Variants in PARP4 observed in about 807,000 individuals in gnomAD.
PARP4 encodes protein mono-ADP-ribosyltransferase PARP4.
In PARP4, 120 loss-of-function variants were observed where a neutral mutation model predicts 187.7. The observed-to-expected ratio is 0.64, with a 90% confidence interval of 0.55 to 0.74. PARP4 has a LOEUF of 0.74. Among genes scored for constraint, PARP4 ranks in the 30% least tolerant of loss-of-function variants. PARP4 has a pLI of 0.00. For synonymous variants in PARP4, 654 were observed against 740.9 expected (o/e 0.88, Z 1.90); for missense variants, 1,836 against 2,070.5 (o/e 0.89, Z 2.20).
At chr13:24,492,007 C>T (rs1179452754) in intron 9 of PARP4, among the ~76,000 whole-genome samples, 1 of 152,122 alleles carries the variant, frequency 6.6e-6, no homozygotes, top group Non-Finnish European at 1.5e-5. Context: ...AGGCTGGGAC[C>T]CTGATAACAC....
Position 24,455,079 on chromosome 13 carries a change from G to A in PARP4, c.2696C>T (p.Ala899Val), listed in dbSNP as rs780641924. The change falls in exon 22 of 34, where the codon GCC (alanine) becomes GTC (valine). Residue 899 changes from alanine to valine, a missense_variant. Around this residue, in one of 8 missense-constraint regions of PARP4, gnomAD observed 1,147 missense variants for 1,214.2 expected, o/e 0.94. Coordinates refer to ENST00000381989, the MANE Select transcript of PARP4 (RefSeq NM_006437.4). ...ACCCACCAAGGACAGCGCATGCAAG[G>A]CGATTTGCTTGGCTTGCAAGAATGT... ...GVTFLQAKQI[A>V]LHALSLVGEK... 2 of 1,613,200 alleles carry A rather than the reference G, an allele frequency of 1.2e-6. No individual in the cohort carries two copies.
chr13:24,495,151 G>C (rs9581074), intron 6 of PARP4, among the ~76,000 whole-genome samples: 1 of 152,044 alleles, frequency 6.6e-6, no homozygotes, highest in Non-Finnish European at 1.5e-5. Flanking sequence ...GATTACAGGC[G>C]TAAGCCACCA....
chr13:24,506,620 G>C (rs1378586152), intron 1 of PARP4, among the ~76,000 whole-genome samples: 2 of 152,172 alleles, frequency 1.3e-5, no homozygotes, highest in Non-Finnish European at 2.9e-5. Flanking sequence ...CAAACCTTGA[G>C]CTAGACACAG....
Position 24,435,251 on chromosome 13 carries a change from G to A in PARP4, c.3890C>T (p.Ala1297Val). 6.2e-7 allele frequency: 1 copy of A among 1,613,864 alleles called. No individual in the cohort carries two copies. Among genetic ancestry groups the A allele is most frequent in the South Asian group, 1.1e-5 (1 of 91,064 alleles). Residue 1297 changes from alanine (A) to valine (V), a missense_variant, in exon 31 of 34, where the codon GCA (alanine) becomes GTA (valine). Around this residue, in one of 8 missense-constraint regions of PARP4, gnomAD observed 450 missense variants for 439.2 expected, o/e 1.02. Coordinates refer to ENST00000381989, the MANE Select transcript of PARP4 (RefSeq NM_006437.4). Reference sequence around the variant, plus strand: ...GACTTTCTTAAATAGTGGTTCAGTTGCTGTTGGTTTACATGACTCTGTCCA... The same window carrying A: ...GACTTTCTTAAATAGTGGTTCAGTTACTGTTGGTTTACATGACTCTGTCCA... Reference protein sequence around the residue: ...LSWTESCKPTATEPLFKKVSP... With the variant: ...LSWTESCKPTVTEPLFKKVSP...
intron 33 of PARP4, among the ~76,000 whole-genome samples, chr13:24,424,975 G>A (rs1459832079): frequency 6.6e-6 from 1 of 151,510 alleles, no homozygotes; most frequent in Non-Finnish European, 1.5e-5. Flanking sequence ...GAGCCACCGC[G>A]CCCGGCCAGT....
At chr13:24,476,607 A>AT (rs999389773) in intron 14 of PARP4, among the ~76,000 whole-genome samples, 6 of 152,200 alleles carry the variant, frequency 3.9e-5, no homozygotes, top group Non-Finnish European at 8.8e-5. Flanking sequence ...ATAAATACAT[A>AT]TTGTCTTGCC....
At chr13:24,475,687 CATTTT>C (rs1053539584) in intron 14 of PARP4, 91 bp from the exon 15 acceptor site, 4 of 1,272,114 alleles carry the variant, frequency 3.1e-6, no homozygotes, top group Admixed American at 4.2e-5. Context: ...AGCCTTCATG[CATTTT>C]ATTTTAGGGA....
At chr13:24,497,960 ATGT>A (rs1377859700) in intron 6 of PARP4, among the ~76,000 whole-genome samples, 153 bp downstream of exon 6, 9 of 152,228 alleles carry the variant, frequency 5.9e-5, no homozygotes, top group African/African-American at 2.2e-4. Context: ...TGAGAAATAA[ATGT>A]TGTTTAAGCT....
intron 2 of PARP4, 125 bp downstream of exon 2, chr13:24,503,520 G>T: frequency 2.6e-6 from 3 of 1,165,074 alleles, no homozygotes; most frequent in Non-Finnish European, 3.7e-6. Flanking sequence ...AGTCTCTCCT[G>T]ATGAACTTCG....
chr13:24,497,860 C>T (rs1869040023), intron 6 of PARP4, among the ~76,000 whole-genome samples: 1 of 152,216 alleles, frequency 6.6e-6, no homozygotes. Context: ...AGCAAGAAGG[C>T]AGCTGTCTGT....
At chr13:24,482,709 C>T (rs190309050) in intron 12 of PARP4, among the ~76,000 whole-genome samples, 1 of 152,166 alleles carries the variant, frequency 6.6e-6, no homozygotes, top group East Asian at 1.9e-4. Flanking sequence ...AGAGTGTAAA[C>T]CTCTTATACT....
intron 13 of PARP4, 83 bp downstream of exon 13, chr13:24,478,010 T>A: frequency 8.7e-7 from 1 of 1,146,002 alleles, no homozygotes; most frequent in Non-Finnish European, 1.2e-6. Flanking sequence ...CTTAAGCATA[T>A]TTAATGAAAA....
intron 17 of PARP4, among the ~76,000 whole-genome samples, chr13:24,464,738 C>G (rs1284518262): frequency 6.6e-6 from 1 of 152,000 alleles, no homozygotes; most frequent in Non-Finnish European, 1.5e-5. Flanking sequence ...TAGGCACAGT[C>G]AAAGATTTTA....
chr13:24,423,533 A>AAAAATAAATAAATAAAT (rs138940651), intron 33 of PARP4, among the ~76,000 whole-genome samples: 4 of 150,734 alleles, frequency 2.7e-5, no homozygotes, highest in Non-Finnish European at 4.4e-5. Context: ...CTGGCCTCAA[A>AAAAATAAATAAATAAAT]AAATAAATAA....
rs201205161 is a variant in PARP4, at chr13:24,447,149, C to G, written c.3152G>C (p.Cys1051Ser). The G allele has an allele frequency of 1.1e-4, 177 of 1,612,778 alleles. No individual in the cohort carries two copies. Among genetic ancestry groups the G allele is most frequent in the Non-Finnish European group, 1.1e-5 (13 of 1,179,408 alleles). The stretch of plus-strand genomic sequence containing the variant: ...CTGCCATTTGACGGAGACAGAGTGG[C>G]AACTCGGAGAACATAGCCTGGTCAT... The part of the protein sequence containing the change: ...DQMTRLCSPS[C>S]HSVSVKWQQL... The change falls in exon 26 of 34, where the codon TGC becomes TCC. Residue 1051 changes from cysteine (C) to serine (S), a missense_variant. This residue lies in a region of PARP4 where 56 missense variants were observed against 103.7 expected (regional missense o/e 0.54). Transcript: ENST00000381989.
intron 1 of PARP4, among the ~76,000 whole-genome samples, chr13:24,504,648 T>C (rs929611418): frequency 6.6e-6 from 1 of 152,124 alleles, no homozygotes; most frequent in African/African-American, 2.4e-5. Flanking sequence ...GAAATGTGTA[T>C]TTAACAATAA....
intron 23 of PARP4, 129 bp downstream of exon 23, chr13:24,453,458 C>G (rs1441256257): frequency 3.8e-6 from 2 of 522,448 alleles, no homozygotes; most frequent in Non-Finnish European, 7.0e-6. Flanking sequence ...AAATAAAGAG[C>G]CCACCAATAT....
chr13:24,509,720 G>C (rs567252761), intron 1 of PARP4, among the ~76,000 whole-genome samples: 76 of 150,680 alleles, frequency 5.0e-4, no homozygotes, highest in Non-Finnish European at 8.9e-4. Flanking sequence ...TTTGTTTTTT[G>C]AGCCAGTCTC....
chr13:24,496,774 C>T (rs2137537476), intron 6 of PARP4, among the ~76,000 whole-genome samples: 1 of 152,292 alleles, frequency 6.6e-6, no homozygotes, highest in South Asian at 2.1e-4. Context: ...CCTGTAATCC[C>T]AGCACTTTGG....
Sources: gnomAD v4.1 joint callset for allele counts (sites outside exome capture counted in the v4.1 genomes callset) on GRCh38, gnomAD v4.1.1 for gene constraint, gnomAD v4.1.1 regional missense constraint, MANE v1.5 for transcripts, NCBI Gene and HGNC (gene_info 2026-07-23, HGNC 2026-07-21) for gene names.